MX2: variants seen among roughly 807,000 people sequenced by gnomAD.
MX2 encodes MX dynamin like GTPase 2, also known as interferon-induced GTP-binding protein Mx2.
A neutral mutation model predicts 74.0 loss-of-function variants in MX2; 51 were observed. The ratio of observed to expected loss-of-function variants is 0.69; its 90% CI spans 0.55 to 0.87. MX2 has a LOEUF of 0.87. MX2 is among the 40% of genes least tolerant of loss of function. The pLI, the probability that MX2 is intolerant of heterozygous loss-of-function variation, is 0.00. For synonymous variants in MX2, 369 were observed against 339.3 expected (o/e 1.09, Z -0.96); for missense variants, 832 against 908.7 (o/e 0.92, Z 1.09).
rs1268221127 is a variant in MX2, at chr21:41,402,172, C to A, written c.1573+44C>A. 6.3e-7 allele frequency: 1 copy of A among 1,581,022 alleles called. No homozygotes were observed. The highest frequency in any genetic ancestry group is 1.2e-5 in the South Asian group (1 of 86,254). ...GACTCCCAAACCATCACTCTCATAC[C>A]TTCCATAGACCCCAGTGCCTTGGAG... On this transcript the variant is annotated intron_variant, in intron 11 of 13. Coordinates refer to ENST00000330714, the MANE Select transcript of MX2 (RefSeq NM_002463.2). This position sits in a 1 kb window ranked among gnomAD's most constrained non-coding sequence, Gnocchi z 4.5.
chr21:41,366,935 T>A lies in MX2; in HGVS notation c.-72+4880T>A, dbSNP rs1469115994. 1 of 152,160 alleles carries A rather than the reference T, an allele frequency of 6.6e-6. No individual in the cohort carries two copies. Among genetic ancestry groups the A allele is most frequent in the Non-Finnish European group, 1.5e-5 (1 of 68,094 alleles). 9.4% of individuals were successfully genotyped at this position (152,160 alleles called of 1,614,324 possible). ...CTCCTCGCTCAACCCACAAAGACTA[T>A]CTCTTGCGTACTCTGCTCTGAGGTG... On this transcript the variant is annotated intron_variant, in intron 1 of 13. Coordinates refer to ENST00000330714, the MANE Select transcript of MX2 (RefSeq NM_002463.2). This position sits in a 1 kb window ranked among gnomAD's most constrained non-coding sequence, Gnocchi z 4.5.
chr21:41,372,100 A>G (rs1226376189), intron 1 of MX2, among the ~76,000 whole-genome samples: 1 of 152,228 alleles, frequency 6.6e-6, no homozygotes, highest in African/African-American at 2.4e-5. Flanking sequence ...CATGCTGAGA[A>G]TAGAAAGTCT....
intron 12 of MX2, among the ~76,000 whole-genome samples, chr21:41,406,379 G>A (rs1182854807): frequency 2.0e-5 from 3 of 152,198 alleles, no homozygotes; most frequent in African/African-American, 7.2e-5. Flanking sequence ...GTGTTCGTCA[G>A]CACTGGAACC....
Position 41,408,239 on chromosome 21 carries a change from G to A in MX2, c.*6G>A, listed in dbSNP as rs530920043. 69 of 1,613,038 alleles carry A rather than the reference G, an allele frequency of 4.3e-5. No homozygotes were observed. Among genetic ancestry groups the A allele is most frequent in the African/African-American group, 1.5e-4 (11 of 74,874 alleles). On this transcript the variant is annotated 3_prime_UTR_variant, in exon 14 of 14. Coordinates refer to ENST00000330714, the MANE Select transcript of MX2 (RefSeq NM_002463.2). ...CCAGCAAAGAGATCCACTGAAGGGC[G>A]GCGATGCCTGTGGTTGTTTTCTTGT...
intron 13 of MX2, among the ~76,000 whole-genome samples, chr21:41,407,205 C>T (rs1389203946): frequency 1.3e-5 from 2 of 152,084 alleles, no homozygotes; most frequent in Non-Finnish European, 2.9e-5. Context: ...ATTAATTTGC[C>T]CACAATCAAT....
chr21:41,382,318 C>A, intron 4 of MX2, 92 bp from the exon 5 acceptor site: 1 of 1,457,528 alleles, frequency 6.9e-7, no homozygotes, highest in Non-Finnish European at 9.2e-7. Flanking sequence ...GCTCTCATAC[C>A]CTGGAAAGGA....
intron 5 of MX2, among the ~76,000 whole-genome samples, chr21:41,384,504 A>G (rs1038562029): frequency 6.6e-6 from 1 of 152,206 alleles, no homozygotes; most frequent in Non-Finnish European, 1.5e-5. Flanking sequence ...TCAGATTTCT[A>G]AAGGGCTTTG....
At chr21:41,386,144 C>T (rs563885175) in intron 5 of MX2, among the ~76,000 whole-genome samples, 2 of 142,026 alleles carry the variant, frequency 1.4e-5, no homozygotes, top group African/African-American at 5.1e-5. Flanking sequence ...CACTCGAACC[C>T]GGGAGGCGGA....
At position 41,363,987 on chromosome 21, in the gene MX2, GC is replaced by G. The variant is rs1275508278; in HGVS notation, c.-72+1933del. On this transcript the variant is annotated intron_variant, in intron 1 of 13. Transcript: ENST00000330714. The surrounding 1 kb of genome is among the most constrained non-coding windows in gnomAD (Gnocchi z 4.2). Reference sequence around the variant, plus strand: ...GGCTGGGGCCCCCACAAGGCCTCCAGCATCTCCCCATGGCCCAGTTTCCTCA... The same window carrying G: ...GGCTGGGGCCCCCACAAGGCCTCCAGATCTCCCCATGGCCCAGTTTCCTCA... 6.5e-6 allele frequency: 1 copy of G among 154,812 alleles called. No homozygotes were observed. The highest frequency in any genetic ancestry group is 1.5e-5 in the Non-Finnish European group (1 of 68,352). 9.6% of individuals were successfully genotyped at this position (154,812 alleles called of 1,614,324 possible). A position where few individuals can be genotyped will look rare whatever the true frequency, so the allele number is the denominator to read the frequency against.
At chr21:41,400,588 T>C (rs2089797866) in intron 10 of MX2, among the ~76,000 whole-genome samples, 1 of 136,416 alleles carries the variant, frequency 7.3e-6, no homozygotes, top group Admixed American at 8.2e-5. Context: ...GACTCACAGT[T>C]CCACATGGCT....
At chr21:41,387,074 C>T (rs767648589) in intron 5 of MX2, among the ~76,000 whole-genome samples, 1 of 152,198 alleles carries the variant, frequency 6.6e-6, no homozygotes, top group Non-Finnish European at 1.5e-5. Context: ...AATCGTGTGC[C>T]TTTCTGGAGT....
At position 41,363,283 on chromosome 21, in the gene MX2, G is replaced by C. The variant is rs1163846294; in HGVS notation, c.-72+1228G>C. ...TTTTGAGACAGGGTCTTCCTGCTCT[G>C]TTTCCCAGGCTGGAGTGCAATGGTA... On this transcript the variant is annotated intron_variant, in intron 1 of 13. Coordinates refer to ENST00000330714, the MANE Select transcript of MX2 (RefSeq NM_002463.2). This position sits in a 1 kb window ranked among gnomAD's most constrained non-coding sequence, Gnocchi z 4.2. 1 of 151,692 alleles carries C rather than the reference G, an allele frequency of 6.6e-6. No homozygotes were observed. Among genetic ancestry groups the C allele is most frequent in the Non-Finnish European group, 1.5e-5 (1 of 68,008 alleles). The allele number at this position is 151,692 out of a possible 1,614,324, so 9.4% of individuals were successfully genotyped here.
intron 5 of MX2, 143 bp downstream of exon 5, chr21:41,382,707 C>A: frequency 9.1e-7 from 1 of 1,103,616 alleles, no homozygotes; most frequent in Non-Finnish European, 1.3e-6. Flanking sequence ...AGGTGGGGGC[C>A]TCATGCCCAG....
Position 41,388,307 on chromosome 21 carries a change from T to A in MX2, c.733-2258T>A, listed in dbSNP as rs1424715019. Among the ~76,000 whole-genome samples the A allele has an allele frequency of 6.6e-6, 1 of 152,196 alleles. No homozygotes were observed. The highest frequency in any genetic ancestry group is 1.5e-5 in the Non-Finnish European group (1 of 68,022). ...CTGTCACTGCGCCTTGGCCCCTCGC[T>A]CCACCCTACCACATCCGGGTTCTGC... is the stretch of plus-strand genomic sequence containing the variant. On this transcript the variant is annotated intron_variant, in intron 5 of 13. Transcript: ENST00000330714. The surrounding 1 kb of genome is among the most constrained non-coding windows in gnomAD (Gnocchi z 4.0).
In MX2 at chr21:41,408,289, G is replaced by T; in HGVS notation, c.*56G>T. 10 of 1,592,878 alleles carry T rather than the reference G, an allele frequency of 6.3e-6. No individual in the cohort carries two copies. Among genetic ancestry groups the T allele is most frequent in the Non-Finnish European group, 8.6e-6 (10 of 1,169,330 alleles). On this transcript the variant is annotated 3_prime_UTR_variant, in exon 14 of 14. Transcript: ENST00000330714. ...TGCGTACTCATTCATTCTAAGGGGA[G>T]TCGGTGCAGGATGCCGCTTCTGCTT...
chr21:41,365,770 T>A (rs2089260443), intron 1 of MX2: 1 of 152,232 alleles, frequency 6.6e-6, no homozygotes, highest in Admixed American at 6.5e-5. Flanking sequence ...GGTCGAATGG[T>A]AATCCTGTTT....
chr21:41,398,904 T>C lies in MX2; in HGVS notation c.1157T>C (p.Leu386Pro). ...TELIMHIQKS[L>P]PLLEGQIRES... Reference sequence around the variant, plus strand: ...TGCAATTGTTTTGTTTAGAAATCGCTCCCGTTGTTAGAAGGACAAATAAGG... The same window carrying C: ...TGCAATTGTTTTGTTTAGAAATCGCCCCCGTTGTTAGAAGGACAAATAAGG... The change falls in exon 9 of 14, where the codon CTC becomes CCC. Residue 386 changes from leucine (L) to proline (P), a missense_variant. Leu to Pro is a moderately conservative substitution (Grantham distance 98). Coordinates refer to ENST00000330714, the MANE Select transcript of MX2 (RefSeq NM_002463.2). 1 of 1,612,828 alleles carries C rather than the reference T, an allele frequency of 6.2e-7. No homozygotes were observed. Among genetic ancestry groups the C allele is most frequent in the Non-Finnish European group, 8.5e-7 (1 of 1,179,176 alleles).
chr21:41,377,300 A>T lies in MX2; in HGVS notation c.249+145A>T, dbSNP rs1161762977. ...TCTCCAGCTCTCCTGGTCATGCCCA[A>T]CAAGTACCAGGAACATACATAGACT... is the stretch of plus-strand genomic sequence containing the variant. On this transcript the variant is annotated intron_variant, in intron 2 of 13. Transcript: ENST00000330714. 6.6e-6 allele frequency: 8 copies of T among 1,219,100 alleles called. No homozygotes were observed. The African/African-American group carries it at 9.2e-5, about 14-fold the overall frequency. The allele number at this position is 1,219,100 out of a possible 1,614,324, so 75.5% of individuals were successfully genotyped here.
intron 5 of MX2, among the ~76,000 whole-genome samples, chr21:41,383,133 A>G (rs531919814): frequency 1.3e-5 from 2 of 152,262 alleles, no homozygotes; most frequent in East Asian, 3.9e-4. Flanking sequence ...CCAAGGCAGG[A>G]GGATCACTTG....
Sources: gnomAD v4.1 joint callset for allele counts (sites outside exome capture counted in the v4.1 genomes callset) on GRCh38, gnomAD v4.1.1 for gene constraint, Gnocchi (gnomAD v3.1) non-coding constraint, MANE v1.5 for transcripts, NCBI Gene and HGNC (gene_info 2026-07-23, HGNC 2026-07-21) for gene names.